MSR1: variants seen among roughly 807,000 people sequenced by gnomAD.
MSR1 encodes the protein macrophage scavenger receptor 1.
Under a neutral mutation model 47.2 loss-of-function variants are expected in MSR1, and 53 were observed. That is an observed-to-expected ratio of 1.12 (90% CI 0.90 to 1.41). The LOEUF (loss-of-function observed/expected upper bound fraction) is 1.41, where lower values mean the gene tolerates loss of function less well. Ranked by LOEUF, MSR1 falls within the 40% of genes most tolerant of loss-of-function variation. MSR1 has a pLI of 0.00. For missense variants in MSR1, 786 were observed against 546.9 expected (o/e 1.44, Z -4.36); for synonymous variants, 239 against 185.6 (o/e 1.29, Z -2.34).
At chr8:16,120,980 TACAA>T in intron 8 of MSR1, 1 of 312,252 alleles carries the variant, frequency 3.2e-6, no homozygotes, top group South Asian at 2.9e-5. Context: ...TTTCTTGACA[TACAA>T]ACATACAAAC....
chr8:16,176,605 T>C (rs1430286230), intron 2 of MSR1, among the ~76,000 whole-genome samples: 1 of 152,000 alleles, frequency 6.6e-6, no homozygotes, highest in Non-Finnish European at 1.5e-5. Flanking sequence ...AGTGGAGATA[T>C]AGTCCACCTG....
At chr8:16,189,964 G>A (rs1405863367) in intron 1 of MSR1, among the ~76,000 whole-genome samples, 1 of 140,850 alleles carries the variant, frequency 7.1e-6, no homozygotes, top group Admixed American at 7.8e-5. Flanking sequence ...ACCCAGGCTG[G>A]AGTGTAATGG....
chr8:16,180,787 TA>T (rs1801806189), intron 1 of MSR1, among the ~76,000 whole-genome samples: 1 of 152,182 alleles, frequency 6.6e-6, no homozygotes. Flanking sequence ...GAAGATTCTT[TA>T]TTTGGAAGTT....
intron 4 of MSR1, among the ~76,000 whole-genome samples, chr8:16,164,794 G>A (rs1244390965): frequency 6.6e-6 from 1 of 151,860 alleles, no homozygotes; most frequent in Non-Finnish European, 1.5e-5. Flanking sequence ...CATTGCCTCT[G>A]TATTTGAGGC....
intron 8 of MSR1, among the ~76,000 whole-genome samples, chr8:16,137,037 G>C (rs924779613): frequency 1.2e-5 from 1 of 80,418 alleles, no homozygotes; most frequent in Non-Finnish European, 4.7e-5. Flanking sequence ...AGTACATTAT[G>C]GAGTTAAAAA....
intron 8 of MSR1, among the ~76,000 whole-genome samples, chr8:16,136,808 G>A (rs749444924): frequency 6.6e-6 from 1 of 151,982 alleles, no homozygotes; most frequent in East Asian, 1.9e-4. Context: ...TCACCATGTT[G>A]GCCAGGATGG....
intron 6 of MSR1, among the ~76,000 whole-genome samples, chr8:16,154,102 G>C (rs1800935144): frequency 6.6e-6 from 1 of 151,616 alleles, no homozygotes; most frequent in Non-Finnish European, 1.5e-5. Context: ...GCTTAGGCAG[G>C]TATCAAGTTC....
intron 3 of MSR1, among the ~76,000 whole-genome samples, chr8:16,174,399 G>A (rs531780326): frequency 3.3e-5 from 5 of 152,226 alleles, no homozygotes; most frequent in African/African-American, 1.2e-4. Context: ...AATGCCAATC[G>A]AAATACATCA....
In MSR1 at chr8:16,118,608, G is replaced by A. The variant is rs1240885558; in HGVS notation, c.1222+1810C>T. Among the ~76,000 whole-genome samples the A allele has an allele frequency of 2.0e-5, 3 of 152,006 alleles. 1 individual carries two copies. The highest frequency in any genetic ancestry group is 4.4e-5 in the Non-Finnish European group (3 of 67,966). ...GAGGGAGAATCACTTGAACCCAGGAGGCAGAGGTTGCAGTAAGCCGAGATT... is the reference window on the plus strand; with the variant it reads ...GAGGGAGAATCACTTGAACCCAGGAAGCAGAGGTTGCAGTAAGCCGAGATT... On this transcript the variant is annotated intron_variant, in intron 9 of 9. Coordinates refer to ENST00000262101, the MANE Select transcript of MSR1 (RefSeq NM_138715.3).
chr8:16,150,601 T>C (rs895178460), intron 6 of MSR1, among the ~76,000 whole-genome samples: 5 of 152,082 alleles, frequency 3.3e-5, no homozygotes, highest in Non-Finnish European at 7.4e-5. Context: ...AAAAGACTTA[T>C]GTAGTCAACC....
chr8:16,117,993 T>A (rs1245825072), intron 9 of MSR1, among the ~76,000 whole-genome samples: 2 of 152,170 alleles, frequency 1.3e-5, no homozygotes, highest in Non-Finnish European at 2.9e-5. Context: ...ACAAAACTGG[T>A]CCCTGGTGCC....
chr8:16,165,608 C>T (rs186230209), intron 4 of MSR1, among the ~76,000 whole-genome samples: 9 of 152,166 alleles, frequency 5.9e-5, no homozygotes, highest in African/African-American at 1.7e-4. Context: ...TTGATAGATA[C>T]TCATTTCCGA....
At chr8:16,132,436 A>G (rs1184732469) in intron 8 of MSR1, among the ~76,000 whole-genome samples, 2 of 152,030 alleles carry the variant, frequency 1.3e-5, no homozygotes, top group African/African-American at 4.8e-5. Flanking sequence ...GTCTGCAAAC[A>G]GATAGTTTGA....
chr8:16,167,241 G>T (rs957203629), intron 4 of MSR1, among the ~76,000 whole-genome samples: 2 of 152,032 alleles, frequency 1.3e-5, no homozygotes, highest in African/African-American at 2.4e-5. Context: ...TCATGTTTGG[G>T]TTCAAAAGCA....
intron 1 of MSR1, among the ~76,000 whole-genome samples, chr8:16,187,669 G>A (rs994354884): frequency 1.3e-5 from 2 of 151,934 alleles, no homozygotes; most frequent in Non-Finnish European, 1.5e-5. Flanking sequence ...ATAAATGAAA[G>A]GCAAGATATT....
chr8:16,124,954 T>C (rs575810875), intron 8 of MSR1, among the ~76,000 whole-genome samples: 2 of 152,252 alleles, frequency 1.3e-5, no homozygotes, highest in Non-Finnish European at 2.9e-5. Context: ...TCAGAGGGAA[T>C]AGAATATAGT....
intron 8 of MSR1, chr8:16,140,893 A>C: frequency 1.2e-6 from 2 of 1,608,446 alleles, no homozygotes; most frequent in Non-Finnish European, 1.7e-6. Context: ...AGTCATTTGG[A>C]GGAGTCACAA....
intron 9 of MSR1, among the ~76,000 whole-genome samples, chr8:16,116,932 C>T (rs77089638): frequency 0.037 from 5,560 of 151,970 alleles, 195 homozygotes; most frequent in East Asian, 0.12. Context: ...CACTTACTAG[C>T]TTTCCTTGAA....
Position 16,109,938 on chromosome 8 carries a change from G to T in MSR1, c.*147C>A. On this transcript the variant is annotated 3_prime_UTR_variant, in exon 10 of 10. Coordinates refer to ENST00000262101, the MANE Select transcript of MSR1 (RefSeq NM_138715.3). ...GACATAAAATAGTAAGCATGAAGGTGTTCAATATATTAATCCTGTAATCTA... is the reference window on the plus strand; with the variant it reads ...GACATAAAATAGTAAGCATGAAGGTTTTCAATATATTAATCCTGTAATCTA... 2.2e-6 allele frequency: 2 copies of T among 911,244 alleles called. No homozygotes were observed. The highest frequency in any genetic ancestry group is 1.7e-5 in the African/African-American group (1 of 60,368). 56.4% of individuals were successfully genotyped at this position (911,244 alleles called of 1,614,324 possible).
Sources: allele counts gnomAD v4.1 joint callset (sites outside exome capture counted in the v4.1 genomes callset), GRCh38; gene constraint gnomAD v4.1.1; transcripts MANE v1.5; gene names NCBI Gene and HGNC (gene_info 2026-07-23, HGNC 2026-07-21).